The following ATP6V1B1 variants were observed in gnomAD, a reference collection of about 807,000 sequenced individuals.
The protein encoded by ATP6V1B1 is V-type proton ATPase subunit B, kidney isoform.
ATP6V1B1 carries 41 observed loss-of-function variants against 62.1 expected under a neutral mutation model. The ratio of observed to expected loss-of-function variants is 0.66; its 90% CI spans 0.51 to 0.86. The LOEUF (loss-of-function observed/expected upper bound fraction) is 0.86, where lower values mean the gene tolerates loss of function less well. ATP6V1B1 is among the 40% of genes least tolerant of loss of function. ATP6V1B1 has a pLI of 0.00. For missense variants in ATP6V1B1, 651 were observed against 697.5 expected, an observed-to-expected ratio of 0.93 and a Z score of 0.75; for synonymous variants, 253 against 273.4, an observed-to-expected ratio of 0.93 and a Z score of 0.74.
rs1680487993 is a variant in ATP6V1B1 at position 70,958,128 on chromosome 2, C to T, written c.257C>T (p.Thr86Ile). ...RSGQVLEVAG[T>I]KAIVQVFEGT... is the part of the protein sequence containing the mutation. ...GGGCAGGTGCTTGAGGTGGCTGGCA[C>T]CAAGGCGATTGTTCAGGTGAGTGGG... The change falls in exon 3 of 14, where the codon ACC becomes ATC. Residue 86 changes from threonine to isoleucine, a missense_variant. Thr to Ile is a moderately conservative substitution (Grantham distance 89). Transcript: ENST00000234396. The T allele has an allele frequency of 2.5e-6, 4 of 1,614,034 alleles. 1 individual carries two copies. The South Asian group carries it at 4.4e-5, about 18-fold the overall frequency.
At chr2:70,957,243 A>T (rs1553419207) in intron 2 of ATP6V1B1, among the ~76,000 whole-genome samples, 1 of 83,206 alleles carries the variant, frequency 1.2e-5, no homozygotes, top group African/African-American at 3.9e-5. Context: ...GCACCACCAC[A>T]CCTGGCAATA....
At chr2:70,962,979 T>C in intron 9 of ATP6V1B1, 79 bp downstream of exon 9, 2 of 1,608,108 alleles carry the variant, frequency 1.2e-6, no homozygotes, top group Non-Finnish European at 1.7e-6. Flanking sequence ...ACCCTGCAAA[T>C]AGAGGGGAGC....
Position 70,965,250 on chromosome 2 carries a change from G to A in ATP6V1B1, c.*129G>A. ...CCCTCCGCTGGCTCCGAGGTGGTGG[G>A]GGCGCCGCACGCTCCATCCCTTTCC... On this transcript the variant is annotated 3_prime_UTR_variant, in exon 14 of 14. Transcript: ENST00000234396. 1 of 1,331,512 alleles carries A rather than the reference G, an allele frequency of 7.5e-7. No individual in the cohort carries two copies. Among genetic ancestry groups the A allele is most frequent in the Non-Finnish European group, 1.0e-6 (1 of 967,382 alleles). 82.5% of individuals were successfully genotyped at this position (1,331,512 alleles called of 1,614,324 possible).
At chr2:70,956,863 G>A (rs1234096748) in intron 2 of ATP6V1B1, among the ~76,000 whole-genome samples, 1 of 152,238 alleles carries the variant, frequency 6.6e-6, no homozygotes, top group East Asian at 1.9e-4. Flanking sequence ...GGGATTACAG[G>A]CATGAACCAC....
In ATP6V1B1 at chr2:70,962,779, T is replaced by C. The variant is rs1553420311; in HGVS notation, c.788T>C (p.Ile263Thr). The change falls in exon 9 of 14, where the codon ATC becomes ACC. Residue 263 changes from isoleucine (I) to threonine (T), a missense_variant and splice_region_variant. By Grantham distance (89) the Ile-to-Thr change is moderately conservative. Transcript: ENST00000234396. ...LFLNLANDPT[I>T]ERIITPRLAL... ...TAAACACCTGGCTACACCTCCAGGA[T>C]CGAGCGGATCATCACCCCGCGCCTG... 6.2e-7 allele frequency: 1 copy of C among 1,613,854 alleles called. No homozygotes were observed. The highest frequency in any genetic ancestry group is 1.7e-5 in the Admixed American group (1 of 60,030).
intron 2 of ATP6V1B1, among the ~76,000 whole-genome samples, chr2:70,949,514 G>C (rs2104814951): frequency 6.6e-6 from 1 of 152,308 alleles, no homozygotes; most frequent in Non-Finnish European, 1.5e-5. Flanking sequence ...TTGCCCAGAA[G>C]GGTTGTGGTA....
Position 70,958,325 on chromosome 2 carries a change from T to TC in ATP6V1B1, c.274-5dup. On this transcript the variant is annotated splice_polypyrimidine_tract_variant and splice_region_variant and intron_variant, in intron 3 of 13. Coordinates refer to ENST00000234396, the MANE Select transcript of ATP6V1B1 (RefSeq NM_001692.4). ...CCTTAGTGGAGAAACTCCCTCTTGT[T>TC]CCCACAGGTGTTTGAAGGGACATCA... The TC allele has an allele frequency of 6.2e-7, 1 of 1,614,074 alleles. No homozygotes were observed. Among genetic ancestry groups the TC allele is most frequent in the Non-Finnish European group, 8.5e-7 (1 of 1,179,946 alleles).
chr2:70,955,702 C>T (rs1330888696), intron 2 of ATP6V1B1, among the ~76,000 whole-genome samples: 4 of 151,932 alleles, frequency 2.6e-5, no homozygotes, highest in Non-Finnish European at 4.4e-5. Flanking sequence ...TTTCTCAATT[C>T]GTGAAAATGT....
chr2:70,962,638 G>A (rs945306311), intron 8 of ATP6V1B1, 139 bp from the exon 9 acceptor site: 40 of 1,389,408 alleles, frequency 2.9e-5, no homozygotes, highest in Non-Finnish European at 3.9e-5. Flanking sequence ...TAGGGGATGG[G>A]GGCAAGGGCT....
At chr2:70,950,250 A>G (rs1468109615) in intron 2 of ATP6V1B1, among the ~76,000 whole-genome samples, 3 of 152,138 alleles carry the variant, frequency 2.0e-5, no homozygotes, top group South Asian at 2.1e-4. Flanking sequence ...ACAAGTTTTA[A>G]TATCTGAAAA....
chr2:70,942,529 G>T, intron 1 of ATP6V1B1: 1 of 396,702 alleles, frequency 2.5e-6, no homozygotes, highest in Non-Finnish European at 4.4e-6. Flanking sequence ...CTTTGGCATG[G>T]GGTGGCTCGG....
At chr2:70,944,699 C>T (rs1189475644) in intron 2 of ATP6V1B1, among the ~76,000 whole-genome samples, 1 of 143,822 alleles carries the variant, frequency 7.0e-6, no homozygotes, top group Non-Finnish European at 1.5e-5. Flanking sequence ...GACGGAGTCT[C>T]ACTCTGTCCC....
chr2:70,943,687 C>T lies in ATP6V1B1; in HGVS notation c.148C>T (p.Pro50Ser), dbSNP rs746617256. The T allele has an allele frequency of 1.2e-6, 2 of 1,613,786 alleles. No homozygotes were observed. The highest frequency in any genetic ancestry group is 1.7e-6 in the Non-Finnish European group (2 of 1,179,948). ...CAGGACTGTGTGCAGCGTGAACGGG[C>T]CCCTGGTGGTGCTGGACCGGGTCAA... ...TYRTVCSVNG[P>S]LVVLDRVKFA... Residue 50 changes from proline to serine, a missense_variant, in exon 2 of 14, where the codon CCC (proline) becomes TCC (serine). Physicochemically the swap from Pro to Ser is moderately conservative, Grantham distance 74. Transcript: ENST00000234396.
intron 1 of ATP6V1B1, chr2:70,940,914 T>A: frequency 6.8e-5 from 13 of 191,550 alleles, no homozygotes; most frequent in Non-Finnish European, 7.5e-5. Context: ...TTTCTTTTTC[T>A]TTTTTTTTTT....
At chr2:70,962,670 A>G (rs1189556845) in intron 8 of ATP6V1B1, 107 bp from the exon 9 acceptor site, 4 of 1,552,538 alleles carry the variant, frequency 2.6e-6, no homozygotes, top group East Asian at 2.3e-5. Context: ...TTCCTCTGCC[A>G]CTATGCACAA....
chr2:70,958,436 A>G lies in ATP6V1B1; in HGVS notation c.367+10A>G, dbSNP rs1572919668. The G allele has an allele frequency of 3.9e-5, 37 of 943,022 alleles. No homozygotes were observed. Among genetic ancestry groups the G allele is most frequent in the Non-Finnish European group, 4.4e-5 (27 of 619,640 alleles). 58.4% of individuals were successfully genotyped at this position (943,022 alleles called of 1,614,324 possible). A position where few individuals can be genotyped will look rare whatever the true frequency, so the allele number is the denominator to read the frequency against. ...TCAGAGGACATGCTGGGTGAGGGAC[A>G]GGGAGGGGCAGGGGTGGGGGTGCTC... On this transcript the variant is annotated intron_variant, in intron 4 of 13. Coordinates refer to ENST00000234396, the MANE Select transcript of ATP6V1B1 (RefSeq NM_001692.4).
rs2104834299 is a variant in ATP6V1B1, at chr2:70,964,744, C to CT, written c.1258dup (p.Tyr420LeufsTer22). ...CCTTGCCCCTCCCCCAGTACGCCTG[C>CT]TATGCCATCGGGAAGGACGTGCAGG... On this transcript the variant is annotated frameshift_variant, in exon 13 of 14. Transcript: ENST00000234396. LOFTEE classifies it high-confidence loss of function. 11 of 1,613,904 alleles carry CT rather than the reference C, an allele frequency of 6.8e-6. No individual in the cohort carries two copies. The highest frequency in any genetic ancestry group is 9.3e-6 in the Non-Finnish European group (11 of 1,180,018).
In ATP6V1B1 at chr2:70,935,998, G is replaced by A; in HGVS notation, c.44G>A (p.Ser15Asn). The change falls in exon 1 of 14, where the codon AGT (serine) becomes AAT (asparagine). Residue 15 changes from serine to asparagine, a missense_variant. By Grantham distance (46) the Ser-to-Asn change is conservative. Transcript: ENST00000234396. ...IDSRPGGLPG[S>N]SCNLGAAREH... ...AGCAGGCCTGGGGGGCTCCCCGGCA[G>A]TAGCTGCAACCTAGGTGCAGCCCGA... 12 of 1,614,034 alleles carry A rather than the reference G, an allele frequency of 7.4e-6. No individual in the cohort carries two copies. Among genetic ancestry groups the A allele is most frequent in the Non-Finnish European group, 1.0e-5 (12 of 1,179,960 alleles).
At chr2:70,961,206 T>C (rs944860005) in intron 7 of ATP6V1B1, among the ~76,000 whole-genome samples, 184 bp downstream of exon 7, 25 of 151,528 alleles carry the variant, frequency 1.6e-4, no homozygotes, top group African/African-American at 5.6e-4. Context: ...GCAATCACAG[T>C]GGTAGGATGG....
Sources: allele counts gnomAD v4.1 joint callset (sites outside exome capture counted in the v4.1 genomes callset), GRCh38; gene constraint gnomAD v4.1.1; transcripts MANE v1.5; gene names NCBI Gene and HGNC (gene_info 2026-07-23, HGNC 2026-07-21).